Variants in DSCAM observed in about 807,000 individuals in gnomAD.
The protein encoded by DSCAM is cell adhesion molecule DSCAM.
In DSCAM, 47 loss-of-function variants were observed where a neutral mutation model predicts 217.7. The ratio of observed to expected loss-of-function variants is 0.22; its 90% CI spans 0.17 to 0.28. DSCAM has a LOEUF of 0.28. Among genes scored for constraint, DSCAM ranks in the 10% least tolerant of loss-of-function variants. The pLI is 1.00. For missense variants in DSCAM, 2,080 were observed against 2,618.3 expected (o/e 0.79, Z 4.49); for synonymous variants, 1,056 against 1,015.3 (o/e 1.04, Z -0.76).
chr21:40,187,160 C>G lies in DSCAM; in HGVS notation c.2750G>C (p.Gly917Ala), dbSNP rs1418480760. 1.2e-6 allele frequency: 2 copies of G among 1,614,102 alleles called. No homozygotes were observed. Among genetic ancestry groups the G allele is most frequent in the Middle Eastern group, 3.3e-4 (2 of 6,062 alleles). Residue 917 changes from glycine (G) to alanine (A), a missense_variant, in exon 14 of 33, where the codon GGC (glycine) becomes GCC (alanine). Physicochemically the swap from Gly to Ala is moderately conservative, Grantham distance 60. Transcript: ENST00000400454. ...TTTATTTTTGCATTCAATATCGTAGCCTGTGATGGGACTGTTTCCATCAAA... is the reference window on the plus strand; with the variant it reads ...TTTATTTTTGCATTCAATATCGTAGGCTGTGATGGGACTGTTTCCATCAAA... ...MGFDGNSPIT[G>A]YDIECKNKSD... is the part of the protein sequence containing the mutation.
intron 1 of DSCAM, among the ~76,000 whole-genome samples, chr21:40,759,067 T>C (rs1308734172): frequency 6.6e-6 from 1 of 152,010 alleles, no homozygotes; most frequent in Non-Finnish European, 1.5e-5. Flanking sequence ...AATGGGGTAG[T>C]GAGGAGGCAC....
intron 32 of DSCAM, among the ~76,000 whole-genome samples, chr21:40,032,826 T>G (rs1459821838): frequency 6.6e-6 from 1 of 152,188 alleles, no homozygotes; most frequent in Non-Finnish European, 1.5e-5. Context: ...GGCATAGATC[T>G]CAAACCTTGT....
At chr21:40,833,934 T>A (rs930136173) in intron 1 of DSCAM, among the ~76,000 whole-genome samples, 2 of 152,084 alleles carry the variant, frequency 1.3e-5, no homozygotes, top group South Asian at 4.2e-4. Context: ...GAGTGTCCCC[T>A]CCAGATGCCA....
At chr21:40,531,663 G>A (rs922084783) in intron 3 of DSCAM, among the ~76,000 whole-genome samples, 5 of 152,200 alleles carry the variant, frequency 3.3e-5, no homozygotes, top group African/African-American at 1.2e-4. Flanking sequence ...GGGCAAAAAG[G>A]TTTGGTCCCC....
At chr21:40,462,604 C>T (rs1243491158) in intron 3 of DSCAM, among the ~76,000 whole-genome samples, 2 of 152,184 alleles carry the variant, frequency 1.3e-5, no homozygotes, top group African/African-American at 4.8e-5. Context: ...CCAAGTGAAC[C>T]ATATGCATGA....
At chr21:40,312,051 A>G (rs1359234106) in intron 9 of DSCAM, 30 bp downstream of exon 9, 4 of 1,600,856 alleles carry the variant, frequency 2.5e-6, no homozygotes, top group Admixed American at 1.7e-5. Flanking sequence ...AACTCTACAG[A>G]TGCCACATGG....
At chr21:40,651,139 G>A (rs902790237) in intron 3 of DSCAM, among the ~76,000 whole-genome samples, 3 of 152,168 alleles carry the variant, frequency 2.0e-5, no homozygotes, top group Non-Finnish European at 4.4e-5. Context: ...AAGATTTGCA[G>A]CTCAGGTCAT....
rs2076550524 is a variant in DSCAM, at chr21:40,542,572, C to T, written c.508+150238G>A. ...ACGCAAGAGTTAGCTTATTCTTCAGCTCTGCTCTCTGCCATCTGAGGAGTC... is the reference window on the plus strand; with the variant it reads ...ACGCAAGAGTTAGCTTATTCTTCAGTTCTGCTCTCTGCCATCTGAGGAGTC... On this transcript the variant is annotated intron_variant, in intron 3 of 32. Transcript: ENST00000400454. Among the ~76,000 whole-genome samples the T allele has an allele frequency of 3.3e-5, 5 of 152,220 alleles. No homozygotes were observed. The South Asian group carries it at 1.0e-3, about 32-fold the overall frequency.
At chr21:40,532,087 C>T (rs75294489) in intron 3 of DSCAM, among the ~76,000 whole-genome samples, 3,373 of 152,274 alleles carry the variant, frequency 0.022, 123 homozygotes, top group African/African-American at 0.076. Context: ...TTGATACACT[C>T]TTCTTTTATG....
intron 11 of DSCAM, among the ~76,000 whole-genome samples, chr21:40,229,732 G>A (rs532199285): frequency 6.6e-6 from 1 of 152,308 alleles, no homozygotes; most frequent in South Asian, 2.1e-4. Context: ...ACAAAAGTTT[G>A]TATTTATTCA....
At chr21:40,307,237 GA>G (rs199623023) in intron 9 of DSCAM, among the ~76,000 whole-genome samples, 17 of 146,020 alleles carry the variant, frequency 1.2e-4, no homozygotes, top group South Asian at 8.9e-4. Flanking sequence ...AAATTTACAA[GA>G]AAAAAAAAAC....
At chr21:40,206,374 G>A (rs1303585635) in intron 11 of DSCAM, among the ~76,000 whole-genome samples, 3 of 152,142 alleles carry the variant, frequency 2.0e-5, no homozygotes, top group African/African-American at 4.8e-5. Context: ...TCCTCTGGAG[G>A]GCATGTTAGC....
At chr21:40,404,445 G>C (rs1451334953) in intron 3 of DSCAM, among the ~76,000 whole-genome samples, 3 of 152,150 alleles carry the variant, frequency 2.0e-5, no homozygotes, top group African/African-American at 7.2e-5. Context: ...GGCCTCTTGA[G>C]GGCAGAAGAG....
intron 4 of DSCAM, among the ~76,000 whole-genome samples, chr21:40,363,945 C>T (rs1569086067): frequency 6.6e-6 from 1 of 152,102 alleles, no homozygotes. Context: ...CATCACTGGC[C>T]ATTAGAGAAA....
At chr21:40,643,456 G>A (rs771269903) in intron 3 of DSCAM, among the ~76,000 whole-genome samples, 1 of 152,186 alleles carries the variant, frequency 6.6e-6, no homozygotes, top group Non-Finnish European at 1.5e-5. Context: ...CCTTAACTGT[G>A]CACTGAGAAG....
chr21:40,378,961 A>T (rs560047687), intron 3 of DSCAM, among the ~76,000 whole-genome samples: 52 of 152,188 alleles, frequency 3.4e-4, no homozygotes, highest in Non-Finnish European at 6.8e-4. Context: ...ATTAGGGTAC[A>T]TCTATACTCT....
chr21:40,028,757 C>T (rs1456669158), intron 32 of DSCAM, among the ~76,000 whole-genome samples: 1 of 152,182 alleles, frequency 6.6e-6, no homozygotes, highest in East Asian at 1.9e-4. Context: ...GTGAGATGAA[C>T]CCGGTACCTC....
At chr21:40,050,337 A>T (rs1304501777) in intron 30 of DSCAM, among the ~76,000 whole-genome samples, 1 of 152,152 alleles carries the variant, frequency 6.6e-6, no homozygotes, top group Non-Finnish European at 1.5e-5. Context: ...TAAAAATCTA[A>T]TCCTTTCAAT....
At chr21:40,205,014 T>A (rs1471190086) in intron 11 of DSCAM, among the ~76,000 whole-genome samples, 1 of 152,204 alleles carries the variant, frequency 6.6e-6, no homozygotes, top group African/African-American at 2.4e-5. Context: ...AGTTGATACA[T>A]CTTTAAGAAG....
Sources: gnomAD v4.1 joint callset for allele counts (sites outside exome capture counted in the v4.1 genomes callset) on GRCh38, gnomAD v4.1.1 for gene constraint, MANE v1.5 for transcripts, NCBI Gene and HGNC (gene_info 2026-07-23, HGNC 2026-07-21) for gene names.